The following FRAS1 variants were observed in gnomAD, a reference collection of about 807,000 sequenced individuals.
FRAS1 encodes the protein Fraser extracellular matrix complex subunit 1, also known as extracellular matrix organizing protein FRAS1.
Under a neutral mutation model 435.2 loss-of-function variants are expected in FRAS1, and 290 were observed. That is an observed-to-expected ratio of 0.67 (90% CI 0.61 to 0.73). The LOEUF (loss-of-function observed/expected upper bound fraction) is 0.73. Among genes scored for constraint, FRAS1 ranks in the 30% least tolerant of loss-of-function variants. The pLI is 0.00. For missense variants in FRAS1, 4,860 were observed against 5,001.5 expected (o/e 0.97, Z 0.85); for synonymous variants, 1,800 against 1,851.0 (o/e 0.97, Z 0.71).
chr4:78,327,202 C>A (rs399768), intron 18 of FRAS1, among the ~76,000 whole-genome samples: 6,181 of 152,016 alleles, frequency 0.041, 424 homozygotes, highest in African/African-American at 0.14. Context: ...AGCCTGCGTG[C>A]CAGAGCAAGA....
In FRAS1 at chr4:78,499,940, C is replaced by T. The variant is rs768286810; in HGVS notation, c.9316+19C>T. The T allele has an allele frequency of 6.7e-7, 1 of 1,501,158 alleles. No homozygotes were observed. The highest frequency in any genetic ancestry group is 1.4e-5 in the African/African-American group (1 of 72,560). The allele number at this position is 1,501,158 out of a possible 1,614,324, so 93.0% of individuals were successfully genotyped here. A position where few individuals can be genotyped will look rare whatever the true frequency, so the allele number is the denominator to read the frequency against. On this transcript the variant is annotated intron_variant, in intron 61 of 73. Transcript: ENST00000512123. ...AGTCCCGGTAATTGAATGCCAACCT[C>T]AATCTGTGGGTTTTACTTAATAGAG...
intron 60 of FRAS1, among the ~76,000 whole-genome samples, chr4:78,497,563 C>G (rs1236316372): frequency 2.0e-5 from 3 of 152,128 alleles, no homozygotes; most frequent in African/African-American, 4.8e-5. Context: ...TTATTGAATA[C>G]TGTATACCAA....
intron 17 of FRAS1, 53 bp from the exon 18 acceptor site, chr4:78,318,757 G>T: frequency 6.7e-7 from 1 of 1,490,140 alleles, no homozygotes; most frequent in East Asian, 2.3e-5. Context: ...TGAAAGATTT[G>T]CAACATATAT....
chr4:78,252,290 C>G (rs538964817), intron 4 of FRAS1, 102 bp from the exon 5 acceptor site: 11 of 1,171,980 alleles, frequency 9.4e-6, no homozygotes, highest in Non-Finnish European at 1.2e-5. Context: ...TCCCTGAGCT[C>G]CATCCTTAAT....
At chr4:78,406,821 G>C (rs939350264) in intron 30 of FRAS1, among the ~76,000 whole-genome samples, 4 of 152,160 alleles carry the variant, frequency 2.6e-5, no homozygotes, top group Non-Finnish European at 5.9e-5. Context: ...GGTGCCTGCC[G>C]TATGTCTTCC....
At chr4:78,515,676 T>G in intron 65 of FRAS1, 123 bp from the exon 66 acceptor site, 1 of 815,538 alleles carries the variant, frequency 1.2e-6, no homozygotes, top group Non-Finnish European at 2.0e-6. Flanking sequence ...CTGGGTTGCT[T>G]TGTTAGTAGG....
chr4:78,116,906 A>G (rs1373737292), intron 2 of FRAS1, among the ~76,000 whole-genome samples: 3 of 152,154 alleles, frequency 2.0e-5, no homozygotes, highest in African/African-American at 7.2e-5. Flanking sequence ...TCATTAGTTG[A>G]TGCAGTTTCT....
rs1370865906 is a variant in FRAS1, at chr4:78,379,828, A to G, written c.3395A>G (p.Glu1132Gly). Residue 1132 changes from glutamate to glycine, a missense_variant, in exon 27 of 74, where the codon GAG (glutamate) becomes GGG (glycine). Coordinates refer to ENST00000512123, the MANE Select transcript of FRAS1 (RefSeq NM_025074.7). ...TCCCTCCTGAATGTCCAAGACCAGG[A>G]GGGTAGGGTCGAAGATCTCCTATTT... The part of the protein sequence containing the change: ...DFSLLNVQDQ[E>G]GRVEDLLFHV... 3 of 1,613,862 alleles carry G rather than the reference A, an allele frequency of 1.9e-6. No homozygotes were observed. Among genetic ancestry groups the G allele is most frequent in the Non-Finnish European group, 2.5e-6 (3 of 1,179,822 alleles).
At chr4:78,430,181 A>G in intron 36 of FRAS1, 111 bp from the exon 37 acceptor site, 1 of 1,273,298 alleles carries the variant, frequency 7.9e-7, no homozygotes, top group Non-Finnish European at 1.1e-6. Flanking sequence ...TTCTGATAAC[A>G]ATCAGATTAC....
chr4:78,287,554 G>A (rs1344365444), intron 14 of FRAS1, among the ~76,000 whole-genome samples: 1 of 152,156 alleles, frequency 6.6e-6, no homozygotes, highest in Non-Finnish European at 1.5e-5. Flanking sequence ...ACATAACGGG[G>A]GGTCAGTGAT....
At chr4:78,081,686 T>C (rs1185706449) in intron 2 of FRAS1, among the ~76,000 whole-genome samples, 2 of 152,132 alleles carry the variant, frequency 1.3e-5, no homozygotes, top group Non-Finnish European at 2.9e-5. Context: ...TTGTCTTGGC[T>C]AGAGATAGAA....
chr4:78,489,147 C>A lies in FRAS1; in HGVS notation c.8958+67C>A, dbSNP rs890979633. 1.3e-4 allele frequency: 193 copies of A among 1,458,350 alleles called. 1 individual carries two copies. The highest frequency in any genetic ancestry group is 1.7e-4 in the Non-Finnish European group (187 of 1,078,376). 90.3% of individuals were successfully genotyped at this position (1,458,350 alleles called of 1,614,324 possible). A position where few individuals can be genotyped will look rare whatever the true frequency, so the allele number is the denominator to read the frequency against. ...TGTCTTTATTTGTCTGTAATGAAGT[C>A]ATTTATATAAATTCCAAAAATTCTC... is the stretch of plus-strand genomic sequence containing the variant. On this transcript the variant is annotated intron_variant, in intron 59 of 73. Transcript: ENST00000512123.
At chr4:78,296,670 C>T (rs898406153) in intron 14 of FRAS1, among the ~76,000 whole-genome samples, 4 of 152,232 alleles carry the variant, frequency 2.6e-5, no homozygotes, top group African/African-American at 9.6e-5. Context: ...ATTCGTATAG[C>T]TGCTGGCCAA....
chr4:78,328,855 A>G (rs1729821477), intron 18 of FRAS1, among the ~76,000 whole-genome samples: 1 of 152,172 alleles, frequency 6.6e-6, no homozygotes, highest in Non-Finnish European at 1.5e-5. Context: ...TTTATTTCTT[A>G]TCAGGAGAAT....
chr4:78,174,395 G>A (rs2110041363), intron 2 of FRAS1, among the ~76,000 whole-genome samples: 1 of 152,314 alleles, frequency 6.6e-6, no homozygotes, highest in Non-Finnish European at 1.5e-5. Context: ...AGAGGATTAT[G>A]TGTCTGAGAA....
chr4:78,186,424 C>T (rs1311062429), intron 2 of FRAS1, among the ~76,000 whole-genome samples: 2 of 152,148 alleles, frequency 1.3e-5, no homozygotes, highest in Non-Finnish European at 2.9e-5. Flanking sequence ...AAGCCTGTCA[C>T]TTGTGAACTA....
chr4:78,395,554 A>T (rs34568699), intron 29 of FRAS1, among the ~76,000 whole-genome samples: 14,990 of 151,934 alleles, frequency 0.099, 769 homozygotes, highest in African/African-American at 0.11. Flanking sequence ...TGTTATGTGC[A>T]TATATATTTA....
In FRAS1 at chr4:78,464,434, C is replaced by G. The variant is rs753594918; in HGVS notation, c.6889-9C>G. ...CAGGTGTCCCACCTGCACTTTCCTG[C>G]CATTCTAGGTGACTCAGACTTTCCA... On this transcript the variant is annotated splice_polypyrimidine_tract_variant and intron_variant, in intron 48 of 73. Transcript: ENST00000512123. The G allele has an allele frequency of 1.1e-5, 18 of 1,613,792 alleles. No individual in the cohort carries two copies. In the African/African-American group the frequency reaches 2.3e-4, roughly 20 times the overall value.
chr4:78,537,553 T>C (rs1721923533), intron 72 of FRAS1, among the ~76,000 whole-genome samples: 1 of 152,220 alleles, frequency 6.6e-6, no homozygotes, highest in East Asian at 1.9e-4. Context: ...TATTCCCTCA[T>C]GAGTTTAGAG....
Sources: gnomAD v4.1 joint callset for allele counts (sites outside exome capture counted in the v4.1 genomes callset) on GRCh38, gnomAD v4.1.1 for gene constraint, MANE v1.5 for transcripts, NCBI Gene and HGNC (gene_info 2026-07-23, HGNC 2026-07-21) for gene names.